The following TAFA2 variants were observed in gnomAD, a reference collection of about 807,000 sequenced individuals.
TAFA2 encodes chemokine-like protein TAFA-2.
Under a neutral mutation model 18.8 loss-of-function variants are expected in TAFA2, and 7 were observed. The ratio of observed to expected loss-of-function variants is 0.37; its 90% CI spans 0.21 to 0.70. The LOEUF (loss-of-function observed/expected upper bound fraction) is 0.70, where lower values mean the gene tolerates loss of function less well. Among genes scored for constraint, TAFA2 ranks in the 30% least tolerant of loss-of-function variants. TAFA2 has a pLI of 0.53. For missense variants in TAFA2, 122 were observed against 158.1 expected (o/e 0.77, Z 1.23); for synonymous variants, 60 against 54.2 (o/e 1.11, Z -0.47).
chr12:61,799,683 G>GT (rs1208144858), intron 2 of TAFA2, among the ~76,000 whole-genome samples: 6 of 152,184 alleles, frequency 3.9e-5, no homozygotes, highest in African/African-American at 4.8e-5. Flanking sequence ...TTAGCCGGGC[G>GT]TGGTGGCTGG....
chr12:62,146,438 C>A (rs2062281852), intron 1 of TAFA2, among the ~76,000 whole-genome samples: 1 of 152,064 alleles, frequency 6.6e-6, no homozygotes, highest in African/African-American at 2.4e-5. Flanking sequence ...CATGCCACCA[C>A]AACCAGCTAA....
At position 61,728,128 on chromosome 12, in the gene TAFA2, T is replaced by C. The variant is rs925150635; in HGVS notation, c.385-17711A>G. On this transcript the variant is annotated intron_variant, in intron 4 of 4. Coordinates refer to ENST00000416284, the MANE Select transcript of TAFA2 (RefSeq NM_178539.5). ...TGATTTTCTTAAATTTATTGAGACT[T>C]GTTTTGTGGCCTATCATATGGTCTA... 3.9e-5 allele frequency among the ~76,000 whole-genome samples: 6 copies of C among 151,994 alleles called. 1 individual carries two copies. In the East Asian group the frequency reaches 1.2e-3, roughly 29 times the overall value.
intron 1 of TAFA2, among the ~76,000 whole-genome samples, chr12:61,983,839 G>C (rs145465594): frequency 6.6e-6 from 1 of 152,146 alleles, no homozygotes; most frequent in East Asian, 1.9e-4. Flanking sequence ...ATGACTTCAG[G>C]TTTACTCATT....
At chr12:61,771,888 C>G (rs1328571173) in intron 2 of TAFA2, among the ~76,000 whole-genome samples, 1 of 134,692 alleles carries the variant, frequency 7.4e-6, no homozygotes, top group Admixed American at 7.8e-5. Flanking sequence ...AAGGTTAGAC[C>G]AGAACTAAAT....
intron 2 of TAFA2, among the ~76,000 whole-genome samples, chr12:61,762,391 C>A (rs1030656228): frequency 6.6e-6 from 1 of 151,794 alleles, no homozygotes; most frequent in Non-Finnish European, 1.5e-5. Context: ...CAAGTTTATT[C>A]CTTTTCCAAA....
At chr12:61,986,060 C>G (rs1879802318) in intron 1 of TAFA2, among the ~76,000 whole-genome samples, 1 of 150,686 alleles carries the variant, frequency 6.6e-6, no homozygotes, top group Admixed American at 6.6e-5. Flanking sequence ...ACAGCACATG[C>G]TAAGTAGCTC....
At chr12:61,875,526 C>G (rs1874804732) in intron 1 of TAFA2, among the ~76,000 whole-genome samples, 1 of 151,896 alleles carries the variant, frequency 6.6e-6, no homozygotes, top group Non-Finnish European at 1.5e-5. Flanking sequence ...AAAAAATAAG[C>G]CATCAAAAAT....
At chr12:61,957,582 C>A (rs967008963) in intron 1 of TAFA2, among the ~76,000 whole-genome samples, 8 of 152,070 alleles carry the variant, frequency 5.3e-5, no homozygotes, top group South Asian at 2.1e-4. Context: ...TAGCAGGATT[C>A]TTTGCTGAGA....
At chr12:62,040,382 C>A (rs1881726099) in intron 1 of TAFA2, among the ~76,000 whole-genome samples, 1 of 152,054 alleles carries the variant, frequency 6.6e-6, no homozygotes, top group Non-Finnish European at 1.5e-5. Context: ...TATTTGGAAA[C>A]AGAATCTGGA....
At chr12:62,223,902 T>C (rs1405478865) in intron 1 of TAFA2, among the ~76,000 whole-genome samples, 2 of 152,116 alleles carry the variant, frequency 1.3e-5, no homozygotes, top group African/African-American at 4.8e-5. Flanking sequence ...AAGAAACATA[T>C]AATTACCATA....
intron 1 of TAFA2, among the ~76,000 whole-genome samples, chr12:62,084,847 T>A (rs348675): frequency 0.23 from 34,949 of 152,054 alleles, 4,182 homozygotes; most frequent in Admixed American, 0.27. Context: ...CGATATCTGG[T>A]AGAATACTCT....
chr12:61,770,937 A>G (rs1294318674), intron 2 of TAFA2, among the ~76,000 whole-genome samples: 1 of 152,096 alleles, frequency 6.6e-6, no homozygotes, highest in Non-Finnish European at 1.5e-5. Context: ...GTTCCACTTA[A>G]AGGATGCAGA....
chr12:62,212,688 A>T (rs2062719239), intron 1 of TAFA2, among the ~76,000 whole-genome samples: 1 of 152,230 alleles, frequency 6.6e-6, no homozygotes, highest in South Asian at 2.1e-4. Context: ...CTCTGCCGAA[A>T]AAAGGTACTA....
At chr12:61,740,338 TGGGA>T (rs1565616174) in intron 4 of TAFA2, among the ~76,000 whole-genome samples, 4 of 151,784 alleles carry the variant, frequency 2.6e-5, no homozygotes, top group African/African-American at 9.7e-5. Flanking sequence ...CTGTCAGAGT[TGGGA>T]GGCAAGGGGT....
intron 1 of TAFA2, among the ~76,000 whole-genome samples, chr12:61,984,828 T>C (rs1018152475): frequency 6.6e-6 from 1 of 152,180 alleles, no homozygotes; most frequent in South Asian, 2.1e-4. Context: ...TTCCTAACAA[T>C]GCAAGTAATA....
chr12:62,191,842 A>T lies in TAFA2; in HGVS notation c.-585T>A, dbSNP rs1490162296. The T allele has an allele frequency of 6.6e-6, 1 of 152,526 alleles. No individual in the cohort carries two copies. Among genetic ancestry groups the T allele is most frequent in the Non-Finnish European group, 1.5e-5 (1 of 68,490 alleles). The allele number at this position is 152,526 out of a possible 1,614,324, so 9.4% of individuals were successfully genotyped here. A position where few individuals can be genotyped will look rare whatever the true frequency, so the allele number is the denominator to read the frequency against. On this transcript the variant is annotated 5_prime_UTR_variant, in exon 1 of 5. An upstream start codon of the reference 5' UTR is lost. Coordinates refer to ENST00000416284, the MANE Select transcript of TAFA2 (RefSeq NM_178539.5). ...CTCTCACACACACACACACTCACAC[A>T]TCCTCCGTTCCCTCTCTCCCGCCCT...
chr12:62,080,655 T>C (rs1868304464), intron 1 of TAFA2, among the ~76,000 whole-genome samples: 1 of 152,220 alleles, frequency 6.6e-6, no homozygotes, highest in Non-Finnish European at 1.5e-5. Flanking sequence ...ATCTATTAAA[T>C]CCCTGAACTT....
intron 1 of TAFA2, among the ~76,000 whole-genome samples, chr12:62,063,072 A>G (rs2136790944): frequency 6.6e-6 from 1 of 151,704 alleles, no homozygotes; most frequent in South Asian, 2.1e-4. Flanking sequence ...CAATACCCCT[A>G]CTCTTGATCA....
chr12:61,859,571 G>A (rs1479114398), intron 2 of TAFA2, among the ~76,000 whole-genome samples: 1 of 152,190 alleles, frequency 6.6e-6, no homozygotes, highest in Non-Finnish European at 1.5e-5. Flanking sequence ...AGCCTCCCGA[G>A]TAGCTGGGAC....
Sources: gnomAD v4.1 joint callset for allele counts (sites outside exome capture counted in the v4.1 genomes callset) on GRCh38, gnomAD v4.1.1 for gene constraint, MANE v1.5 for transcripts, NCBI Gene and HGNC (gene_info 2026-07-23, HGNC 2026-07-21) for gene names.